Variants in IRAK1BP1 observed in about 807,000 individuals in gnomAD.
IRAK1BP1 encodes the protein interleukin 1 receptor associated kinase 1 binding protein 1, also known as interleukin-1 receptor-associated kinase 1-binding protein 1.
IRAK1BP1 carries 24 observed loss-of-function variants against 28.0 expected under a neutral mutation model. That is an observed-to-expected ratio of 0.86 (90% CI 0.62 to 1.20). The LOEUF (loss-of-function observed/expected upper bound fraction) is 1.20, where lower values mean the gene tolerates loss of function less well. Among genes scored for constraint, IRAK1BP1 ranks in the 50% most tolerant of loss-of-function variants. The pLI is 0.00. For synonymous variants in IRAK1BP1, 131 were observed against 116.3 expected (o/e 1.13, Z -0.81); for missense variants, 336 against 316.7 (o/e 1.06, Z -0.46).
At chr6:78,940,692 G>T in intron 4 of IRAK1BP1, 2 of 1,599,336 alleles carry the variant, frequency 1.3e-6, no homozygotes, top group Non-Finnish European at 1.7e-6. Flanking sequence ...TTTGGTACAA[G>T]TTACCAACCA....
the IRAK1BP1 span, chr6:78,970,027 TG>T: frequency 1.9e-6 from 3 of 1,610,564 alleles, no homozygotes; most frequent in Admixed American, 1.7e-5. Flanking sequence ...AGAAAACCAT[TG>T]CCTCTTTCAA....
downstream of IRAK1BP1, among the ~76,000 whole-genome samples, chr6:78,947,232 T>C (rs926089681): frequency 1.6e-4 from 24 of 152,330 alleles, no homozygotes; most frequent in African/African-American, 5.8e-4. Context: ...TCTCATTTCG[T>C]TGCTATATAG....
chr6:78,969,953 T>C, the IRAK1BP1 span: 2 of 1,542,796 alleles, frequency 1.3e-6, no homozygotes, highest in Non-Finnish European at 1.8e-6. Flanking sequence ...TTAGGTCACA[T>C]ACCTAAAAAT....
At chr6:78,883,540 A>T (rs532955356) in intron 1 of IRAK1BP1, among the ~76,000 whole-genome samples, 1 of 152,288 alleles carries the variant, frequency 6.6e-6, no homozygotes, top group East Asian at 1.9e-4. Flanking sequence ...TCTCTCTAAT[A>T]ATTTTTCAAT....
At chr6:78,947,271 G>C (rs1046088939), downstream of IRAK1BP1, among the ~76,000 whole-genome samples, 1 of 152,154 alleles carries the variant, frequency 6.6e-6, no homozygotes, top group Non-Finnish European at 1.5e-5. Flanking sequence ...TGTCTGGTCA[G>C]AGTGTTAAAT....
Position 78,898,277 on chromosome 6 carries a change from A to G in IRAK1BP1, c.726A>G (p.Ser242=), listed in dbSNP as rs1771968408. ...AAAGTGCAACAATACATGCTGCTTC[A>G]AAAGTATTTATAACTTTTGAGGTAA... The part of the protein sequence containing the change: ...KIKSATIHAA[S]KVFITFEVKG... Residue 242 remains serine (S), a synonymous_variant, in exon 4 of 4, where the codon TCA becomes TCG. Transcript: ENST00000369940. The G allele has an allele frequency of 3.1e-6, 5 of 1,611,128 alleles. No homozygotes were observed. Among genetic ancestry groups the G allele is most frequent in the Non-Finnish European group, 4.2e-6 (5 of 1,178,440 alleles).
At chr6:78,940,772 G>C in intron 4 of IRAK1BP1, 1 of 1,613,742 alleles carries the variant, frequency 6.2e-7, no homozygotes. Flanking sequence ...AAAAGTTAAA[G>C]AGGTGTCTTC....
chr6:78,898,052 T>G lies in IRAK1BP1; in HGVS notation c.513-12T>G. 1 of 1,606,210 alleles carries G rather than the reference T, an allele frequency of 6.2e-7. No individual in the cohort carries two copies. Among genetic ancestry groups the G allele is most frequent in the South Asian group, 1.1e-5 (1 of 90,158 alleles). On this transcript the variant is annotated splice_polypyrimidine_tract_variant and intron_variant, in intron 3 of 3. Transcript: ENST00000369940. ...AGTGTCATATTAATAATCTCTCCAT[T>G]TAATTCCTAAGACGGCAAGCCTGTC...
At chr6:78,978,995 T>C in the IRAK1BP1 span, among the ~76,000 whole-genome samples, 6 of 152,140 alleles carry the variant, frequency 3.9e-5, no homozygotes, top group Non-Finnish European at 7.4e-5. Context: ...TAAAATGATG[T>C]GTAGGCACTG....
chr6:78,955,655 T>A, the IRAK1BP1 span: 1 of 1,091,006 alleles, frequency 9.2e-7, no homozygotes, highest in East Asian at 2.4e-5. Context: ...AATTATAAAG[T>A]GGAATTATGT....
At position 78,899,870 on chromosome 6, in the gene IRAK1BP1, G is replaced by A. The variant is rs966617345; in HGVS notation, c.*1536G>A. On this transcript the variant is annotated 3_prime_UTR_variant, in exon 4 of 4. Coordinates refer to ENST00000369940, the MANE Select transcript of IRAK1BP1 (RefSeq NM_001010844.4). ...ATGTAATCAGTATTTTTTAAATTGA[G>A]ATATTTGTTTTATCTTCAAAATTCA... 6.6e-6 allele frequency: 1 copy of A among 152,046 alleles called. No individual in the cohort carries two copies. The highest frequency in any genetic ancestry group is 1.5e-5 in the Non-Finnish European group (1 of 68,004). 9.4% of individuals were successfully genotyped at this position (152,046 alleles called of 1,614,324 possible). A position where few individuals can be genotyped will look rare whatever the true frequency, so the allele number is the denominator to read the frequency against.
intron 1 of IRAK1BP1, among the ~76,000 whole-genome samples, chr6:78,869,036 C>A (rs2127663197): frequency 6.6e-6 from 1 of 152,228 alleles, no homozygotes; most frequent in Admixed American, 6.5e-5. Flanking sequence ...GTCATTTGGA[C>A]AAGATTTCTT....
At chr6:78,971,588 G>A in the IRAK1BP1 span, among the ~76,000 whole-genome samples, 41 of 152,256 alleles carry the variant, frequency 2.7e-4, no homozygotes, top group Non-Finnish European at 4.4e-4. Flanking sequence ...GCAGAAGACG[G>A]GTGATTTCTG....
chr6:78,891,723 A>G (rs1370198680), intron 2 of IRAK1BP1, among the ~76,000 whole-genome samples: 2 of 152,104 alleles, frequency 1.3e-5, no homozygotes, highest in East Asian at 1.9e-4. Flanking sequence ...CTGCCTCCCA[A>G]AGTGTTGGGA....
chr6:78,898,233 A>C lies in IRAK1BP1; in HGVS notation c.682A>C (p.Thr228Pro), dbSNP rs749706802. 9 of 1,613,484 alleles carry C rather than the reference A, an allele frequency of 5.6e-6. No homozygotes were observed. Among genetic ancestry groups the C allele is most frequent in the African/African-American group, 1.3e-5 (1 of 74,802 alleles). The change falls in exon 4 of 4, where the codon ACT (threonine) becomes CCT (proline). Residue 228 changes from threonine to proline, a missense_variant. By Grantham distance (38) the Thr-to-Pro change is conservative (BLOSUM62 -1). Transcript: ENST00000369940. ...GTCATCCAGACTCTCAAGTTCATTA[A>C]CTGTACAACAAAAAATCAAAAGTGC... ...HQSSRLSSSLTVQQKIKSATI... is the reference protein window; with the variant it reads ...HQSSRLSSSLPVQQKIKSATI...
At chr6:78,977,984 T>C in the IRAK1BP1 span, among the ~76,000 whole-genome samples, 2 of 152,164 alleles carry the variant, frequency 1.3e-5, no homozygotes, top group Non-Finnish European at 2.9e-5. Context: ...CAGATAACAC[T>C]GCCTCTTAAA....
rs552687761 is a variant in IRAK1BP1, at chr6:78,921,246, G to C, written c.*67+18136G>C. Reference sequence around the variant, plus strand: ...CACCCTAATACTGCACTTTTCCAACGATCTTCGCAAACGGCACACCAGGTG... The same window carrying C: ...CACCCTAATACTGCACTTTTCCAACCATCTTCGCAAACGGCACACCAGGTG... On this transcript the variant is annotated intron_variant and NMD_transcript_variant, in intron 4 of 4. Transcript: ENST00000606868. 5.3e-5 allele frequency among the ~76,000 whole-genome samples: 8 copies of C among 152,292 alleles called. No individual in the cohort carries two copies. In the East Asian group the frequency reaches 1.4e-3, roughly 26 times the overall value.
chr6:78,954,713 A>C, the IRAK1BP1 span: 2 of 735,724 alleles, frequency 2.7e-6, no homozygotes, highest in African/African-American at 1.9e-5. Flanking sequence ...AATAATAAAG[A>C]AATAAACTAT....
chr6:78,961,578 T>C, the IRAK1BP1 span: 1 of 967,086 alleles, frequency 1.0e-6, no homozygotes, highest in African/African-American at 1.7e-5. Context: ...ATCCCCATAA[T>C]CTTATGTGCA....
Sources: allele counts gnomAD v4.1 joint callset (sites outside exome capture counted in the v4.1 genomes callset), GRCh38; gene constraint gnomAD v4.1.1; transcripts MANE v1.5; gene names NCBI Gene and HGNC (gene_info 2026-07-23, HGNC 2026-07-21).